The following PNPLA2 variants were observed in gnomAD, a reference collection of about 807,000 sequenced individuals.
PNPLA2 encodes the protein patatin-like phospholipase domain-containing protein 2.
A neutral mutation model predicts 39.7 loss-of-function variants in PNPLA2; 28 were observed. The observed-to-expected ratio is 0.70, with a 90% confidence interval of 0.52 to 0.97. PNPLA2 has a LOEUF of 0.97. PNPLA2 is among the 50% of genes least tolerant of loss of function. The pLI, the probability that PNPLA2 is intolerant of heterozygous loss-of-function variation, is 0.00. For missense variants in PNPLA2, 768 were observed against 698.2 expected (o/e 1.10, Z -1.13); for synonymous variants, 392 against 321.1 (o/e 1.22, Z -2.36).
chr11:823,428 G>C (rs896806641), intron 5 of PNPLA2, 99 bp from the exon 6 acceptor site: 4 of 1,063,718 alleles, frequency 3.8e-6, no homozygotes, highest in Non-Finnish European at 4.3e-6. Flanking sequence ...TGGGAGCTGC[G>C]GGTAGTGAAG....
chr11:819,542 T>A, intron 1 of PNPLA2, 32 bp from the exon 2 acceptor site: 1 of 1,290,288 alleles, frequency 7.8e-7, no homozygotes, highest in South Asian at 2.2e-5. Flanking sequence ...AGTCCCACAC[T>A]TAAAAGCGCC....
chr11:824,419 C>T lies in PNPLA2; in HGVS notation c.1158C>T (p.Gly386=). 2 of 1,554,742 alleles carry T rather than the reference C, an allele frequency of 1.3e-6. No homozygotes were observed. The highest frequency in any genetic ancestry group is 1.7e-6 in the Non-Finnish European group (2 of 1,149,630). ...YLVMRAKRKL[G]RHLPSRLPEQ... ...TGATGCGCGCCAAGAGGAAGCTGGG[C>T]AGGCACCTGCCCTCCAGGTGAGCCG... is the stretch of plus-strand genomic sequence containing the variant. Residue 386 remains glycine, a synonymous_variant, in exon 9 of 10, where the codon GGC becomes GGT. Transcript: ENST00000336615.
At position 823,607 on chromosome 11, in the gene PNPLA2, A is replaced by G. The variant is rs760836201; in HGVS notation, c.757+20A>G. On this transcript the variant is annotated intron_variant, in intron 6 of 9. Transcript: ENST00000336615. ...GGAACGGTGCGCGGACCCGGGCGGGAGAGGGCGGGGTGGGCTCGGCTCTGC... is the reference window on the plus strand; with the variant it reads ...GGAACGGTGCGCGGACCCGGGCGGGGGAGGGCGGGGTGGGCTCGGCTCTGC... The G allele has an allele frequency of 2.0e-6, 3 of 1,525,640 alleles. No homozygotes were observed. The highest frequency in any genetic ancestry group is 2.7e-6 in the Non-Finnish European group (3 of 1,106,886). The allele number at this position is 1,525,640 out of a possible 1,614,324, so 94.5% of individuals were successfully genotyped here.
intron 2 of PNPLA2, among the ~76,000 whole-genome samples, chr11:820,117 C>T (rs2133845691): frequency 1.3e-5 from 2 of 152,312 alleles, no homozygotes; most frequent in South Asian, 2.1e-4. Flanking sequence ...GTGCCCGGGG[C>T]CCGCCTGTCT....
rs963556012 is a variant in PNPLA2 at position 819,536 on chromosome 11, C to T, written c.-145-38C>T. 3 of 1,287,764 alleles carry T rather than the reference C, an allele frequency of 2.3e-6. No individual in the cohort carries two copies. The African/African-American group carries it at 4.7e-5, about 20-fold the overall frequency. The allele number at this position is 1,287,764 out of a possible 1,614,324, so 79.8% of individuals were successfully genotyped here. ...GCCGGCCCCGCCCCCGCCGTGAGTCCCACACTTAAAAGCGCCGCCTCCGCG... is the reference window on the plus strand; with the variant it reads ...GCCGGCCCCGCCCCCGCCGTGAGTCTCACACTTAAAAGCGCCGCCTCCGCG... On this transcript the variant is annotated intron_variant, in intron 1 of 9. Coordinates refer to ENST00000336615, the MANE Select transcript of PNPLA2 (RefSeq NM_020376.4).
Position 824,793 on chromosome 11 carries a change from C to G in PNPLA2, c.1446C>G (p.Ala482=), listed in dbSNP as rs768610141. ...ADPASPQHQL[A]GPAPLLSTPA... ...CAGCATCCCCGCAGCACCAGCTGGC[C>G]GGGCCTGCCCCCTTGCTGAGCACCC... Residue 482 remains alanine (A), a synonymous_variant, in exon 10 of 10, where the codon GCC becomes GCG. Transcript: ENST00000336615. 9 of 1,532,612 alleles carry G rather than the reference C, an allele frequency of 5.9e-6. No homozygotes were observed. Among genetic ancestry groups the G allele is most frequent in the African/African-American group, 5.5e-5 (4 of 72,840 alleles). 94.9% of individuals were successfully genotyped at this position (1,532,612 alleles called of 1,614,324 possible).
At chr11:822,890 T>A (rs1845717355) in intron 5 of PNPLA2, among the ~76,000 whole-genome samples, 1 of 150,008 alleles carries the variant, frequency 6.7e-6, no homozygotes, top group African/African-American at 2.5e-5. Flanking sequence ...AGTGGCAGGA[T>A]CTCAGCTCAC....
Position 822,525 on chromosome 11 carries a change from G to A in PNPLA2, c.615G>A (p.Leu205=). ...ACAGCTCCACCAACATCCACGAGCT[G>A]CGGGTCACCAACACCAGCATCCAGT... is the stretch of plus-strand genomic sequence containing the variant. ...PQDSSTNIHE[L]RVTNTSIQFN... is the part of the protein sequence containing the mutation. Residue 205 remains leucine, a synonymous_variant, in exon 5 of 10, where the codon CTG becomes CTA. Coordinates refer to ENST00000336615, the MANE Select transcript of PNPLA2 (RefSeq NM_020376.4). 1 of 1,614,136 alleles carries A rather than the reference G, an allele frequency of 6.2e-7. No individual in the cohort carries two copies. The highest frequency in any genetic ancestry group is 8.5e-7 in the Non-Finnish European group (1 of 1,180,034).
At chr11:821,927 C>G (rs145895171) in intron 3 of PNPLA2, 31 bp from the exon 4 acceptor site, 1 of 1,612,970 alleles carries the variant, frequency 6.2e-7, no homozygotes, top group East Asian at 2.2e-5. Context: ...GGCCTCTGCT[C>G]ATTCTCTCCC....
At chr11:819,139 A>C (rs1251440224) in intron 1 of PNPLA2, among the ~76,000 whole-genome samples, 181 bp downstream of exon 1, 2 of 152,266 alleles carry the variant, frequency 1.3e-5, no homozygotes, top group East Asian at 3.9e-4. Context: ...GGGGCTCCCG[A>C]GGCCTGTGCG....
chr11:824,331 C>G lies in PNPLA2; in HGVS notation c.1070C>G (p.Pro357Arg). ...GTCCCCAGCTTGCTGGAGTGGCTGC[C>G]CGACGTTCCCGAGGACATCCGGTGG... Reference protein sequence around the residue: ...SFTIRLLEWLPDVPEDIRWMK... With the variant: ...SFTIRLLEWLRDVPEDIRWMK... Residue 357 changes from proline to arginine, a missense_variant, in exon 9 of 10, where the codon CCC becomes CGC. Physicochemically the swap from Pro to Arg is moderately radical, Grantham distance 103. Transcript: ENST00000336615. The G allele has an allele frequency of 6.4e-7, 1 of 1,551,082 alleles. No individual in the cohort carries two copies. Among genetic ancestry groups the G allele is most frequent in the Non-Finnish European group, 8.7e-7 (1 of 1,147,532 alleles).
intron 4 of PNPLA2, 69 bp downstream of exon 4, chr11:822,092 G>A (rs1235903475): frequency 1.6e-5 from 22 of 1,392,756 alleles, no homozygotes; most frequent in Non-Finnish European, 1.8e-5. Context: ...GGAGGAGGCC[G>A]CCTAGAGCCA....
At position 824,431 on chromosome 11, in the gene PNPLA2, C is replaced by T; in HGVS notation, c.1170C>T (p.Pro390=). The change falls in exon 9 of 10, where the codon CCC becomes CCT. Residue 390 remains proline (P), a synonymous_variant. Transcript: ENST00000336615. The part of the protein sequence containing the change: ...RAKRKLGRHL[P]SRLPEQVELR... Reference sequence around the variant, plus strand: ...AGAGGAAGCTGGGCAGGCACCTGCCCTCCAGGTGAGCCGCCGACCGCGCGT... The same window carrying T: ...AGAGGAAGCTGGGCAGGCACCTGCCTTCCAGGTGAGCCGCCGACCGCGCGT... The T allele has an allele frequency of 2.6e-6, 4 of 1,554,742 alleles. No individual in the cohort carries two copies. Among genetic ancestry groups the T allele is most frequent in the South Asian group, 1.2e-5 (1 of 84,434 alleles).
intron 1 of PNPLA2, among the ~76,000 whole-genome samples, chr11:819,220 G>A (rs1194804104): frequency 6.6e-6 from 1 of 152,240 alleles, no homozygotes; most frequent in Admixed American, 6.5e-5. Flanking sequence ...GGGTGGGTGT[G>A]GGAGGCGGAC....
chr11:823,899 GAA>G, intron 7 of PNPLA2, 44 bp downstream of exon 7: 3 of 1,554,660 alleles, frequency 1.9e-6, no homozygotes, highest in Non-Finnish European at 2.6e-6. Flanking sequence ...AGGCAGGAGG[GAA>G]AGAGAGAGAG....
chr11:820,089 G>A (rs1431086654), intron 2 of PNPLA2, among the ~76,000 whole-genome samples, 184 bp downstream of exon 2: 1 of 152,222 alleles, frequency 6.6e-6, no homozygotes, highest in Non-Finnish European at 1.5e-5. Context: ...GCGGGGCCTG[G>A]TTTGTTTTGC....
rs2133847111 is a variant in PNPLA2, at chr11:821,667, C to T, written c.227C>T (p.Ala76Val). The T allele has an allele frequency of 6.2e-7, 1 of 1,613,866 alleles. No individual in the cohort carries two copies. Among genetic ancestry groups the T allele is most frequent in the Non-Finnish European group, 8.5e-7 (1 of 1,180,004 alleles). ...AAGTTCATTGAGGTATCTAAAGAGG[C>T]CCGGAAGCGGTTCCTGGGCCCCCTG... Reference protein sequence around the residue: ...GAKFIEVSKEARKRFLGPLHP... With the variant: ...GAKFIEVSKEVRKRFLGPLHP... The change falls in exon 3 of 10, where the codon GCC becomes GTC. Residue 76 changes from alanine (A) to valine (V), a missense_variant. By Grantham distance (64) the Ala-to-Val change is moderately conservative (BLOSUM62 0). Coordinates refer to ENST00000336615, the MANE Select transcript of PNPLA2 (RefSeq NM_020376.4).
chr11:823,489 C>G, intron 5 of PNPLA2, 38 bp from the exon 6 acceptor site: 1 of 1,577,184 alleles, frequency 6.3e-7, no homozygotes, highest in Non-Finnish European at 8.6e-7. Context: ...ACGGGCATCC[C>G]TGGCTCCCTC....
chr11:825,121 GCTGCCCTTCC>G lies in PNPLA2; in HGVS notation c.*262_*271del. 2 of 563,072 alleles carry G rather than the reference GCTGCCCTTCC, an allele frequency of 3.6e-6. No individual in the cohort carries two copies. Among genetic ancestry groups the G allele is most frequent in the Non-Finnish European group, 6.3e-6 (2 of 318,938 alleles). 34.9% of individuals were successfully genotyped at this position (563,072 alleles called of 1,614,324 possible). A position where few individuals can be genotyped will look rare whatever the true frequency, so the allele number is the denominator to read the frequency against. On this transcript the variant is annotated 3_prime_UTR_variant, in exon 10 of 10. Transcript: ENST00000336615. Reference sequence around the variant, plus strand: ...CCCCTTTACTCCTGAGAACTTTGCAGCTGCCCTTCCCTCCCCGTTTTTCATGGCCTGCTGA... The same window carrying G: ...CCCCTTTACTCCTGAGAACTTTGCAGCTCCCCGTTTTTCATGGCCTGCTGA...
Sources: gnomAD v4.1 joint callset for allele counts (sites outside exome capture counted in the v4.1 genomes callset) on GRCh38, gnomAD v4.1.1 for gene constraint, MANE v1.5 for transcripts, NCBI Gene and HGNC (gene_info 2026-07-23, HGNC 2026-07-21) for gene names.